SHISA6: variants seen among roughly 807,000 people sequenced by gnomAD.
The protein encoded by SHISA6 is shisa family member 6, also known as protein shisa-6.
SHISA6 carries 22 observed loss-of-function variants against 47.9 expected under a neutral mutation model. The ratio of observed to expected loss-of-function variants is 0.46; its 90% CI spans 0.33 to 0.66. The LOEUF is 0.66. Ranked by LOEUF, SHISA6 falls within the 30% of genes least tolerant of loss-of-function variation. The pLI is 0.02. For missense variants in SHISA6, 680 were observed against 764.6 expected (o/e 0.89, Z 1.30); for synonymous variants, 388 against 337.8 (o/e 1.15, Z -1.63).
intron 2 of SHISA6, among the ~76,000 whole-genome samples, chr17:11,300,281 C>A (rs1441550820): frequency 6.6e-6 from 1 of 152,172 alleles, no homozygotes; most frequent in Non-Finnish European, 1.5e-5. Context: ...AGCATGAGTT[C>A]CCAACCAGTG....
intron 3 of SHISA6, among the ~76,000 whole-genome samples, chr17:11,503,301 C>A (rs566090303): frequency 3.3e-5 from 5 of 151,478 alleles, no homozygotes; most frequent in African/African-American, 7.3e-5. Context: ...TATCTGCCTG[C>A]GAAAACTTAG....
At chr17:11,444,196 G>A (rs577121021) in intron 3 of SHISA6, among the ~76,000 whole-genome samples, 1 of 152,278 alleles carries the variant, frequency 6.6e-6, no homozygotes, top group South Asian at 2.1e-4. Flanking sequence ...GCACACGCCT[G>A]TAGTCCCCAC....
rs1406050960 is a variant in SHISA6, at chr17:11,559,275, C to G, written c.*971C>G. The stretch of plus-strand genomic sequence containing the variant: ...CCCCTGCTCTGCTCCCAGGAGGCAC[C>G]TGCGGTGGCCAGAGAGCCAGGGTGG... On this transcript the variant is annotated 3_prime_UTR_variant, in exon 6 of 6. Coordinates refer to ENST00000441885, the MANE Select transcript of SHISA6 (RefSeq NM_207386.4). This position sits in a 1 kb window ranked among gnomAD's most constrained non-coding sequence, Gnocchi z 4.4. The G allele has an allele frequency of 1.3e-5, 2 of 152,594 alleles. No homozygotes were observed. Among genetic ancestry groups the G allele is most frequent in the African/African-American group, 4.8e-5 (2 of 41,474 alleles). The allele number at this position is 152,594 out of a possible 1,614,324, so 9.5% of individuals were successfully genotyped here. A position where few individuals can be genotyped will look rare whatever the true frequency, so the allele number is the denominator to read the frequency against.
chr17:11,335,399 A>T (rs1221744485), intron 2 of SHISA6, among the ~76,000 whole-genome samples: 1 of 152,246 alleles, frequency 6.6e-6, no homozygotes. Flanking sequence ...TGAGGACATG[A>T]CCCTGAGCAG....
intron 3 of SHISA6, among the ~76,000 whole-genome samples, chr17:11,387,419 C>T (rs1320614341): frequency 1.3e-5 from 2 of 152,144 alleles, no homozygotes; most frequent in South Asian, 2.1e-4. Flanking sequence ...CAGAGGTGCC[C>T]CCTTGACTGT....
chr17:11,563,074 T>C lies in SHISA6; in HGVS notation c.*4770T>C, dbSNP rs1476848284. The C allele has an allele frequency of 6.6e-6, 1 of 152,366 alleles. No individual in the cohort carries two copies. Among genetic ancestry groups the C allele is most frequent in the African/African-American group, 2.4e-5 (1 of 41,436 alleles). The allele number at this position is 152,366 out of a possible 1,614,324, so 9.4% of individuals were successfully genotyped here. On this transcript the variant is annotated 3_prime_UTR_variant, in exon 6 of 6. Coordinates refer to ENST00000441885, the MANE Select transcript of SHISA6 (RefSeq NM_207386.4). ...TCCATTTGGATACGGTCCTTATAGC[T>C]GGAGGGAGGCGGTTCCAATTTCAGA... is the stretch of plus-strand genomic sequence containing the variant.
In SHISA6 at chr17:11,357,412, A is replaced by G. The variant is rs1326796443; in HGVS notation, c.800-22002A>G. On this transcript the variant is annotated intron_variant, in intron 2 of 5. Coordinates refer to ENST00000441885, the MANE Select transcript of SHISA6 (RefSeq NM_207386.4). ...ATTATGAAAAGAATACCTGCCCATT[A>G]AGGAAACTTTGGAAAACACAGAAGA... Among the ~76,000 whole-genome samples, 4 of 152,306 alleles carry G rather than the reference A, an allele frequency of 2.6e-5. No homozygotes were observed. The East Asian group carries it at 7.7e-4, about 29-fold the overall frequency.
intron 2 of SHISA6, among the ~76,000 whole-genome samples, chr17:11,363,889 G>A (rs984227723): frequency 1.3e-5 from 2 of 152,156 alleles, no homozygotes; most frequent in Non-Finnish European, 2.9e-5. Context: ...GTAATTAAAA[G>A]TGGATATAAA....
chr17:11,386,252 G>A (rs1913191313), intron 3 of SHISA6, among the ~76,000 whole-genome samples: 1 of 152,190 alleles, frequency 6.6e-6, no homozygotes, highest in Non-Finnish European at 1.5e-5. Flanking sequence ...GTGCACACCT[G>A]TAATTGCAGC....
At chr17:11,413,916 G>C (rs1457385340) in intron 3 of SHISA6, among the ~76,000 whole-genome samples, 1 of 152,112 alleles carries the variant, frequency 6.6e-6, no homozygotes, top group Non-Finnish European at 1.5e-5. Context: ...ACCCAGGGAG[G>C]GCTGAAGATG....
intron 2 of SHISA6, among the ~76,000 whole-genome samples, chr17:11,272,727 T>C (rs902102486): frequency 6.6e-6 from 1 of 152,152 alleles, no homozygotes; most frequent in African/African-American, 2.4e-5. Context: ...ACAAAGTGAC[T>C]AGCAATGATG....
rs1429867377 is a variant in SHISA6, at chr17:11,241,803, C to T, written c.381C>T (p.Arg127=). The change falls in exon 1 of 6, where the codon CGC becomes CGT. Residue 127 remains arginine (R), a synonymous_variant. Transcript: ENST00000441885. This position sits in a 1 kb window ranked among gnomAD's most constrained non-coding sequence, Gnocchi z 5.5. ...YLYCCGTCYY[R]FCCKKRHEKL... is the part of the protein sequence containing the mutation. Reference sequence around the variant, plus strand: ...ACTGCTGCGGTACCTGCTACTACCGCTTCTGCTGCAAGAAGCGCCACGAGA... The same window carrying T: ...ACTGCTGCGGTACCTGCTACTACCGTTTCTGCTGCAAGAAGCGCCACGAGA... 5 of 1,550,520 alleles carry T rather than the reference C, an allele frequency of 3.2e-6. No homozygotes were observed. The highest frequency in any genetic ancestry group is 1.4e-5 in the African/African-American group (1 of 73,066).
At chr17:11,481,334 ATATGTG>A (rs1317527175) in intron 3 of SHISA6, among the ~76,000 whole-genome samples, 3 of 94,722 alleles carry the variant, frequency 3.2e-5, no homozygotes, top group African/African-American at 4.6e-5. Context: ...CAAAAAATAT[ATATGTG>A]TGTGTGTGTG....
chr17:11,307,411 CA>C, intron 2 of SHISA6, among the ~76,000 whole-genome samples: 1 of 152,296 alleles, frequency 6.6e-6, no homozygotes, highest in Non-Finnish European at 1.5e-5. Context: ...TCTGCATAGC[CA>C]AAGCTGGGTT....
intron 1 of SHISA6, among the ~76,000 whole-genome samples, chr17:11,249,375 C>T (rs985217756): frequency 6.6e-6 from 1 of 151,986 alleles, no homozygotes; most frequent in African/African-American, 2.4e-5. Context: ...GGGTTGGCCC[C>T]CTGCATAGAA....
intron 3 of SHISA6, among the ~76,000 whole-genome samples, chr17:11,507,899 T>C (rs1211006857): frequency 6.6e-6 from 1 of 152,244 alleles, no homozygotes; most frequent in African/African-American, 2.4e-5. Context: ...AGTGTGAGAC[T>C]GGCGAGCTTA....
intron 2 of SHISA6, among the ~76,000 whole-genome samples, chr17:11,283,226 T>A (rs72824611): frequency 0.057 from 8,621 of 152,304 alleles, 470 homozygotes; most frequent in African/African-American, 0.14. Context: ...TGAAAGCAAC[T>A]ATATATGTAC....
chr17:11,263,553 C>A, intron 2 of SHISA6, 27 bp downstream of exon 2: 1 of 1,550,980 alleles, frequency 6.4e-7, no homozygotes, highest in Non-Finnish European at 8.7e-7. Context: ...CACCTTGATT[C>A]TTTGCTGAGG....
intron 2 of SHISA6, among the ~76,000 whole-genome samples, chr17:11,324,348 CAGA>C (rs1342337213): frequency 1.3e-5 from 2 of 152,162 alleles, no homozygotes; most frequent in Non-Finnish European, 2.9e-5. Context: ...TTGGCATGAA[CAGA>C]AGAAGAAGGA....
Sources: allele counts gnomAD v4.1 joint callset (sites outside exome capture counted in the v4.1 genomes callset), GRCh38; gene constraint gnomAD v4.1.1; non-coding constraint Gnocchi (gnomAD v3.1); transcripts MANE v1.5; gene names NCBI Gene and HGNC (gene_info 2026-07-23, HGNC 2026-07-21).